Variants in SRP72 observed in about 807,000 individuals in gnomAD.
SRP72 encodes signal recognition particle 72, also known as signal recognition particle subunit SRP72.
Under a neutral mutation model 96.3 loss-of-function variants are expected in SRP72, and 49 were observed. That is an observed-to-expected ratio of 0.51 (90% confidence interval 0.40 to 0.65). The LOEUF is 0.65. SRP72 is among the 30% of genes least tolerant of loss of function. SRP72 has a pLI of 0.00. For missense variants in SRP72, 736 were observed against 793.3 expected, an observed-to-expected ratio of 0.93 and a Z score of 0.87; for synonymous variants, 267 against 275.2, an observed-to-expected ratio of 0.97 and a Z score of 0.30.
intron 18 of SRP72, among the ~76,000 whole-genome samples, chr4:56,500,997 ACT>A (rs1321083947): frequency 6.6e-6 from 1 of 152,216 alleles, no homozygotes; most frequent in East Asian, 1.9e-4. Flanking sequence ...AACTAAATAC[ACT>A]GAGTCATTCA....
intron 17 of SRP72, among the ~76,000 whole-genome samples, chr4:56,497,875 C>T (rs17086909): frequency 0.13 from 19,478 of 152,074 alleles, 1,548 homozygotes; most frequent in East Asian, 0.27. Context: ...TACTGCAAGT[C>T]TGATAGAGTT....
At chr4:56,485,132 G>A (rs982126795) in intron 10 of SRP72, among the ~76,000 whole-genome samples, 1 of 152,136 alleles carries the variant, frequency 6.6e-6, no homozygotes. Context: ...CCTGAGTTAG[G>A]GGATCATTTA....
At chr4:56,480,526 T>C (rs943621678) in intron 8 of SRP72, among the ~76,000 whole-genome samples, 1 of 152,066 alleles carries the variant, frequency 6.6e-6, no homozygotes, top group Non-Finnish European at 1.5e-5. Context: ...TCCCAAAGTG[T>C]TGGGATTATA....
At chr4:56,485,192 C>G (rs1273117332) in intron 10 of SRP72, among the ~76,000 whole-genome samples, 3 of 152,090 alleles carry the variant, frequency 2.0e-5, no homozygotes, top group Admixed American at 2.0e-4. Flanking sequence ...ATAATCTGAT[C>G]TCCAGTGAGT....
Position 56,502,112 on chromosome 4 carries a change from G to C in SRP72, c.*251G>C, listed in dbSNP as rs562813302. Reference sequence around the variant, plus strand: ...TGGGCATTTACCCATCTTGGTATCTGTTGTATCCTTTATCTGTGTGTGCTG... The same window carrying C: ...TGGGCATTTACCCATCTTGGTATCTCTTGTATCCTTTATCTGTGTGTGCTG... On this transcript the variant is annotated 3_prime_UTR_variant, in exon 19 of 19. Transcript: ENST00000642900. 3.0e-5 allele frequency: 13 copies of C among 439,418 alleles called. No individual in the cohort carries two copies. Among genetic ancestry groups the C allele is most frequent in the Non-Finnish European group, 5.1e-5 (12 of 236,048 alleles). 27.2% of individuals were successfully genotyped at this position (439,418 alleles called of 1,614,324 possible). A position where few individuals can be genotyped will look rare whatever the true frequency, so the allele number is the denominator to read the frequency against.
chr4:56,470,572 G>A (rs1305842122), intron 2 of SRP72, among the ~76,000 whole-genome samples: 1 of 151,638 alleles, frequency 6.6e-6, no homozygotes, highest in Non-Finnish European at 1.5e-5. Flanking sequence ...GGAGGTAATA[G>A]GAACAGGTTA....
At chr4:56,487,774 T>G (rs1720769659) in intron 11 of SRP72, among the ~76,000 whole-genome samples, 175 bp from the exon 12 acceptor site, 1 of 152,196 alleles carries the variant, frequency 6.6e-6, no homozygotes, top group Non-Finnish European at 1.5e-5. Flanking sequence ...TATCTCTAAA[T>G]GAACAGAGTT....
At chr4:56,487,640 A>G (rs1382218400) in intron 11 of SRP72, among the ~76,000 whole-genome samples, 1 of 152,178 alleles carries the variant, frequency 6.6e-6, no homozygotes, top group Non-Finnish European at 1.5e-5. Flanking sequence ...TTACAGCCCA[A>G]AAAAGAAGAA....
chr4:56,477,409 A>T (rs548375149), intron 6 of SRP72, among the ~76,000 whole-genome samples: 1 of 149,502 alleles, frequency 6.7e-6, no homozygotes, highest in Non-Finnish European at 1.5e-5. Context: ...GGCTCAAGCA[A>T]TCCTCTCACC....
intron 2 of SRP72, among the ~76,000 whole-genome samples, chr4:56,470,537 CAAA>C (rs753714537): frequency 1.5e-5 from 2 of 129,812 alleles, no homozygotes; most frequent in Non-Finnish European, 3.4e-5. Context: ...GACTCCGTCT[CAAA>C]AAAAAAAAAA....
intron 3 of SRP72, among the ~76,000 whole-genome samples, chr4:56,473,412 C>G (rs189316249): frequency 2.1e-4 from 32 of 149,988 alleles, no homozygotes; most frequent in Non-Finnish European, 4.3e-4. Flanking sequence ...GAGCCGAGAT[C>G]GCGCCACTGC....
intron 11 of SRP72, among the ~76,000 whole-genome samples, chr4:56,486,863 G>C (rs1051238634): frequency 5.3e-5 from 8 of 152,168 alleles, no homozygotes; most frequent in African/African-American, 1.7e-4. Flanking sequence ...AACGAGAACT[G>C]ATGTGTTTGA....
At chr4:56,477,197 A>G (rs1389211938) in intron 6 of SRP72, 1 of 150,518 alleles carries the variant, frequency 6.6e-6, no homozygotes, top group Non-Finnish European at 1.5e-5. Flanking sequence ...TTAGACAATA[A>G]TTTTCTTTAG....
chr4:56,496,347 C>T (rs1249672650), intron 17 of SRP72, among the ~76,000 whole-genome samples: 3 of 152,118 alleles, frequency 2.0e-5, no homozygotes, highest in African/African-American at 7.2e-5. Flanking sequence ...TTCTGTCTTC[C>T]TTTAATGTGT....
rs192192828 is a variant in SRP72 at position 56,476,181 on chromosome 4, C to T, written c.611-490C>T. ...GCTATAGTCCCAGCTACTTGGGAGG[C>T]GGAGGTGGGAGGGTCACTTGAGCCC... On this transcript the variant is annotated intron_variant, in intron 5 of 18. Transcript: ENST00000642900. 449 of 160,114 alleles carry T rather than the reference C, an allele frequency of 2.8e-3. 1 individual carries two copies. Among genetic ancestry groups the T allele is most frequent in the Middle Eastern group, 0.019 (6 of 324 alleles). 9.9% of individuals were successfully genotyped at this position (160,114 alleles called of 1,614,324 possible).
intron 17 of SRP72, among the ~76,000 whole-genome samples, chr4:56,496,658 A>G (rs1438424848): frequency 6.6e-6 from 1 of 152,202 alleles, no homozygotes; most frequent in Non-Finnish European, 1.5e-5. Flanking sequence ...CTATCATTAT[A>G]GAGTGGCCTA....
chr4:56,478,643 T>C lies in SRP72; in HGVS notation c.819T>C (p.Ile273=). ...LAVIANNIIT[I]NKDQNVFDSK... ...TAATTGCAAATAACATCATTACCAT[T>C]AACAAGGTATGGAGTATTTGTGCTT... The change falls in exon 8 of 19, where the codon ATT becomes ATC. Residue 273 remains isoleucine (I), a synonymous_variant. Coordinates refer to ENST00000642900, the MANE Select transcript of SRP72 (RefSeq NM_006947.4). 3 of 1,613,574 alleles carry C rather than the reference T, an allele frequency of 1.9e-6. No individual in the cohort carries two copies. The highest frequency in any genetic ancestry group is 2.5e-6 in the Non-Finnish European group (3 of 1,179,666).
At chr4:56,471,078 AGGCATGAGCCACCACACCT>A (rs769947733) in intron 2 of SRP72, among the ~76,000 whole-genome samples, 28 of 152,348 alleles carry the variant, frequency 1.8e-4, no homozygotes, top group Non-Finnish European at 3.5e-4. Flanking sequence ...CTGGGATTAC[AGGCATGAGCCACCACACCT>A]GGCTCAAAAA....
chr4:56,500,536 G>A lies in SRP72; in HGVS notation c.1679G>A (p.Gly560Glu). The part of the protein sequence containing the change: ...DLKKKKKKKK[G>E]KLPKNYDPKV... ...TCATTTCTTTATAATCGTTATGCAG[G>A]AAAATTGCCTAAGAATTATGACCCA... Residue 560 changes from glycine (G) to glutamate (E), a missense_variant and splice_region_variant, in exon 18 of 19, where the codon GGA becomes GAA. Gly to Glu is a moderately conservative substitution (Grantham distance 98, BLOSUM62 -2). This residue lies in a region of SRP72 where 388 missense variants were observed against 431.8 expected (regional missense o/e 0.90). Transcript: ENST00000642900. 6.2e-7 allele frequency: 1 copy of A among 1,611,118 alleles called. No individual in the cohort carries two copies.
Sources: gnomAD v4.1 joint callset for allele counts (sites outside exome capture counted in the v4.1 genomes callset) on GRCh38, gnomAD v4.1.1 for gene constraint, gnomAD v4.1.1 regional missense constraint, MANE v1.5 for transcripts, NCBI Gene and HGNC (gene_info 2026-07-23, HGNC 2026-07-21) for gene names.